PTPRD: variants seen among roughly 807,000 people sequenced by gnomAD.
PTPRD encodes the protein protein tyrosine phosphatase receptor type D.
A neutral mutation model predicts 214.5 loss-of-function variants in PTPRD; 34 were observed. That is an observed-to-expected ratio of 0.16 (90% CI 0.12 to 0.21). PTPRD has a LOEUF of 0.21. Among genes scored for constraint, PTPRD ranks in the 10% least tolerant of loss-of-function variants. The pLI, the probability that PTPRD is intolerant of heterozygous loss-of-function variation, is 1.00. For missense variants in PTPRD, 2,545 were observed against 2,398.7 expected, an observed-to-expected ratio of 1.06 and a Z score of -1.27; for synonymous variants, 1,128 against 845.7, an observed-to-expected ratio of 1.33 and a Z score of -5.79.
chr9:9,937,596 A>G lies in PTPRD; in HGVS notation c.-368+911T>C, dbSNP rs553285292. On this transcript the variant is annotated intron_variant, in intron 5 of 45. Coordinates refer to ENST00000381196, the MANE Select transcript of PTPRD (RefSeq NM_002839.4). ...TTAAATCACAAGATACAGAATTGCTATGGAGGAGGGATTGTTGAGGTATTT... is the reference window on the plus strand; with the variant it reads ...TTAAATCACAAGATACAGAATTGCTGTGGAGGAGGGATTGTTGAGGTATTT... Among the ~76,000 whole-genome samples, 28 of 152,270 alleles carry G rather than the reference A, an allele frequency of 1.8e-4. No homozygotes were observed. The South Asian group carries it at 4.3e-3, about 24-fold the overall frequency.
intron 39 of PTPRD, among the ~76,000 whole-genome samples, chr9:8,351,742 TAAAAAAAA>T (rs71317359): frequency 1.5e-5 from 1 of 68,518 alleles, no homozygotes; most frequent in African/African-American, 7.3e-5. Context: ...TGGCAAAGAG[TAAAAAAAA>T]AAAAAAAAAA....
At chr9:8,851,222 A>T (rs887659695) in intron 11 of PTPRD, among the ~76,000 whole-genome samples, 2 of 151,036 alleles carry the variant, frequency 1.3e-5, no homozygotes, top group East Asian at 3.9e-4. Flanking sequence ...AAAGGCACTT[A>T]TTCTGCTTCA....
chr9:8,484,944 T>G (rs1284125610), intron 29 of PTPRD, among the ~76,000 whole-genome samples: 2 of 152,192 alleles, frequency 1.3e-5, no homozygotes, highest in Admixed American at 6.5e-5. Flanking sequence ...ATTCTCTGGC[T>G]GAAAAACAAA....
At chr9:10,186,181 T>C (rs2099329399) in intron 3 of PTPRD, among the ~76,000 whole-genome samples, 1 of 152,102 alleles carries the variant, frequency 6.6e-6, no homozygotes, top group Admixed American at 6.5e-5. Flanking sequence ...CGTTTTTGAT[T>C]GGAACTTGGA....
chr9:8,715,796 C>G (rs1331265473), intron 12 of PTPRD, among the ~76,000 whole-genome samples: 2 of 152,232 alleles, frequency 1.3e-5, no homozygotes, highest in African/African-American at 4.8e-5. Context: ...AGGCAAAGTA[C>G]ATTCTAGAGA....
chr9:10,176,791 CTG>C (rs1296151364), intron 3 of PTPRD, among the ~76,000 whole-genome samples: 2 of 151,946 alleles, frequency 1.3e-5, no homozygotes, highest in Admixed American at 6.6e-5. Context: ...AGAAGAAAAA[CTG>C]TGAATAGAAA....
chr9:9,929,980 C>G (rs999882633), intron 5 of PTPRD, among the ~76,000 whole-genome samples: 2 of 152,178 alleles, frequency 1.3e-5, no homozygotes, highest in Admixed American at 1.3e-4. Context: ...CAAGGTTATA[C>G]TCATTTACCA....
intron 11 of PTPRD, among the ~76,000 whole-genome samples, chr9:8,836,332 C>T (rs984001111): frequency 1.3e-5 from 2 of 152,050 alleles, no homozygotes; most frequent in Admixed American, 6.6e-5. Context: ...GAAAGAGAGC[C>T]CTTGGCACAT....
chr9:9,816,743 C>A (rs2048899677), intron 5 of PTPRD, among the ~76,000 whole-genome samples: 2 of 151,934 alleles, frequency 1.3e-5, no homozygotes, highest in African/African-American at 2.4e-5. Context: ...AAACCACTAT[C>A]ATCAATAAAA....
rs189380174 is a variant in PTPRD, at chr9:10,482,228, G to A, written c.-600+130170C>T. Among the ~76,000 whole-genome samples the A allele has an allele frequency of 9.0e-3, 1,368 of 151,904 alleles. 15 individuals carry two copies. Among genetic ancestry groups the A allele is most frequent in the African/African-American group, 0.031 (1,266 of 41,494 alleles). On this transcript the variant is annotated intron_variant, in intron 2 of 45. Transcript: ENST00000381196. ...CTACTAAAAATACAAAAAATTAGCC[G>A]GGCGTGGTGGCGGGTGCCTGTAGTC...
chr9:9,842,190 T>G (rs1172789967), intron 5 of PTPRD, among the ~76,000 whole-genome samples: 2 of 151,922 alleles, frequency 1.3e-5, no homozygotes, highest in African/African-American at 4.8e-5. Context: ...TACAAGGCTT[T>G]TCAAGTCTGC....
At chr9:9,408,590 A>G (rs1272288386) in intron 8 of PTPRD, among the ~76,000 whole-genome samples, 3 of 151,896 alleles carry the variant, frequency 2.0e-5, no homozygotes, top group African/African-American at 4.8e-5. Flanking sequence ...ACTTCTTAGT[A>G]AATGCTGTGA....
chr9:8,390,364 AAC>A, intron 36 of PTPRD, among the ~76,000 whole-genome samples: 1 of 152,056 alleles, frequency 6.6e-6, no homozygotes, highest in Non-Finnish European at 1.5e-5. Context: ...ATTATTAGAA[AAC>A]ATTTATTTCC....
chr9:10,037,390 G>A (rs1357006775), intron 3 of PTPRD, among the ~76,000 whole-genome samples: 4 of 151,912 alleles, frequency 2.6e-5, no homozygotes, highest in East Asian at 3.9e-4. Context: ...TTAAAAGTGT[G>A]CAGCACCTCT....
chr9:8,480,365 G>C (rs952614585), intron 30 of PTPRD, among the ~76,000 whole-genome samples: 4 of 152,082 alleles, frequency 2.6e-5, no homozygotes, highest in Non-Finnish European at 5.9e-5. Context: ...TAGGACTGCT[G>C]AACTAATAAG....
intron 12 of PTPRD, among the ~76,000 whole-genome samples, chr9:8,726,300 C>T (rs1027797226): frequency 6.6e-6 from 1 of 151,594 alleles, no homozygotes; most frequent in Non-Finnish European, 1.5e-5. Flanking sequence ...TGAAATGGGT[C>T]AGGTACAGCT....
intron 5 of PTPRD, among the ~76,000 whole-genome samples, chr9:9,913,681 A>C (rs1239645291): frequency 1.3e-5 from 2 of 152,280 alleles, no homozygotes; most frequent in East Asian, 3.9e-4. Context: ...GAAGAACCCC[A>C]CAAGCCCCAT....
rs575694423 is a variant in PTPRD at position 8,711,029 on chromosome 9, CTTACT to C, written c.64+22746_64+22750del. 9.1e-3 allele frequency among the ~76,000 whole-genome samples: 1,390 copies of C among 152,164 alleles called. 31 individuals carry two copies. Among genetic ancestry groups the C allele is most frequent in the African/African-American group, 0.032 (1,324 of 41,516 alleles). On this transcript the variant is annotated intron_variant, in intron 12 of 45. Transcript: ENST00000381196. ...TAATTAATGCTAGATGTGAAAGTATCTTACTTTATTTTAATGTCAGATATCCAAAA... is the reference window on the plus strand; with the variant it reads ...TAATTAATGCTAGATGTGAAAGTATCTTATTTTAATGTCAGATATCCAAAA...
intron 10 of PTPRD, among the ~76,000 whole-genome samples, chr9:9,107,009 A>G (rs901579013): frequency 1.3e-5 from 2 of 152,136 alleles, no homozygotes; most frequent in African/African-American, 4.8e-5. Context: ...CACTTTCTAA[A>G]AGTATGCTCT....
Sources: gnomAD v4.1 joint callset for allele counts (sites outside exome capture counted in the v4.1 genomes callset) on GRCh38, gnomAD v4.1.1 for gene constraint, MANE v1.5 for transcripts, NCBI Gene and HGNC (gene_info 2026-07-23, HGNC 2026-07-21) for gene names.